DMD: variants seen among roughly 807,000 people sequenced by gnomAD.
The protein encoded by DMD is dystrophin, also known as mutant dystrophin.
A neutral mutation model predicts 330.1 loss-of-function variants in DMD; 63 were observed. That is an observed-to-expected ratio of 0.19 (90% CI 0.16 to 0.24). DMD has a LOEUF of 0.24. Ranked by LOEUF, DMD falls within the 10% of genes least tolerant of loss-of-function variation. The pLI, the probability that DMD is intolerant of heterozygous loss-of-function variation, is 1.00. For synonymous variants in DMD, 1,223 were observed against 959.8 expected, an observed-to-expected ratio of 1.27 and a Z score of -5.07; for missense variants, 3,344 against 2,684.1, an observed-to-expected ratio of 1.25 and a Z score of -5.43.
At chrX:32,756,636 A>C (rs902406652) in intron 7 of DMD, among the ~76,000 whole-genome samples, 2 of 111,680 alleles carry the variant, frequency 1.8e-5, no homozygotes, top group Non-Finnish European at 3.8e-5. Context: ...AAAACCACAG[A>C]TCTACACATA....
chrX:32,068,329 T>C (rs949097100), intron 44 of DMD, among the ~76,000 whole-genome samples: 16 of 110,232 alleles, frequency 1.5e-4, no homozygotes, highest in Non-Finnish European at 1.9e-5. Flanking sequence ...TGATCATTTA[T>C]TTTGCCATGC....
intron 2 of DMD, among the ~76,000 whole-genome samples, chrX:32,851,155 C>G (rs971261600): frequency 9.0e-6 from 1 of 111,053 alleles, no homozygotes; most frequent in Non-Finnish European, 1.9e-5. Flanking sequence ...GGTTTCCAGG[C>G]AAAAGACATC....
At chrX:31,754,331 C>T (rs1159528914) in intron 51 of DMD, among the ~76,000 whole-genome samples, 2 of 110,998 alleles carry the variant, frequency 1.8e-5, no homozygotes, top group Non-Finnish European at 3.8e-5. Flanking sequence ...CTCAAGAGTC[C>T]GCTTGTAATT....
rs775943395 is a variant in DMD, at chrX:32,735,320, C to A, written c.650-36027G>T. ...GCTCATGGGTAGGAAGAATCAATATCGTGAAAATGGCCATACTGCCCAAGG... is the reference window on the plus strand; with the variant it reads ...GCTCATGGGTAGGAAGAATCAATATAGTGAAAATGGCCATACTGCCCAAGG... On this transcript the variant is annotated intron_variant, in intron 7 of 78. Coordinates refer to ENST00000357033, the MANE Select transcript of DMD (RefSeq NM_004006.3). 3.8e-4 allele frequency among the ~76,000 whole-genome samples: 42 copies of A among 110,214 alleles called. No individual in the cohort carries two copies. In the East Asian group the frequency reaches 5.4e-3, roughly 14 times the overall value.
At chrX:33,242,124 T>C (rs2052595748) in intron 1 of DMD, among the ~76,000 whole-genome samples, 1 of 111,819 alleles carries the variant, frequency 8.9e-6, no homozygotes, top group South Asian at 3.7e-4. Flanking sequence ...TTTTTTATTT[T>C]CCCTAAGTTA....
intron 7 of DMD, among the ~76,000 whole-genome samples, chrX:32,722,899 T>A (rs1476793969): frequency 9.2e-6 from 1 of 108,266 alleles, no homozygotes; most frequent in Non-Finnish European, 1.9e-5. Flanking sequence ...ACTTCTTCCT[T>A]TCAGATGTGA....
At chrX:33,100,781 G>C (rs1192633836) in intron 1 of DMD, among the ~76,000 whole-genome samples, 1 of 112,338 alleles carries the variant, frequency 8.9e-6, no homozygotes, top group African/African-American at 3.2e-5. Context: ...TGTGTATCAA[G>C]TACAATATTT....
intron 57 of DMD, among the ~76,000 whole-genome samples, chrX:31,485,026 A>G (rs1365656314): frequency 6.2e-5 from 7 of 112,094 alleles, no homozygotes; most frequent in African/African-American, 2.3e-4. Flanking sequence ...GCAATTCTAA[A>G]GTGAAGCTGA....
chrX:31,672,080 A>ATAAG (rs1466104008), intron 53 of DMD, among the ~76,000 whole-genome samples: 1 of 111,658 alleles, frequency 9.0e-6, no homozygotes, highest in African/African-American at 3.2e-5. Flanking sequence ...GCCTCCTCCC[A>ATAAG]TAAGTTTTGG....
At chrX:32,521,174 G>C (rs1314238744) in intron 17 of DMD, among the ~76,000 whole-genome samples, 1 of 111,491 alleles carries the variant, frequency 9.0e-6, no homozygotes, top group Non-Finnish European at 1.9e-5. Flanking sequence ...CCAATTTCTA[G>C]TATTTGTTTA....
intron 11 of DMD, among the ~76,000 whole-genome samples, chrX:32,614,737 G>A (rs1050707833): frequency 5.4e-5 from 6 of 111,301 alleles, no homozygotes; most frequent in African/African-American, 2.0e-4. Flanking sequence ...TGACTAAGTA[G>A]TATATTTTGG....
rs145783690 is a variant in DMD, at chrX:33,198,757, G to A, written c.31+12525C>T. ...CGACTGGCAAGTATTAATTAGTCAC[G>A]TACATACATATGGAATCATAACAGT... On this transcript the variant is annotated intron_variant, in intron 1 of 78. Coordinates refer to ENST00000357033, the MANE Select transcript of DMD (RefSeq NM_004006.3). 8.0e-3 allele frequency among the ~76,000 whole-genome samples: 880 copies of A among 110,635 alleles called. 14 individuals are homozygous for A. The highest frequency in any genetic ancestry group is 0.026 in the African/African-American group (801 of 30,548).
chrX:32,559,034 T>C (rs2149052667), intron 16 of DMD, among the ~76,000 whole-genome samples: 1 of 90,572 alleles, frequency 1.1e-5, no homozygotes, highest in East Asian at 4.2e-4. Context: ...CACTGCAACC[T>C]CCACCTCCCG....
chrX:31,128,957 GAT>G (rs1178935173), intron 77 of DMD, among the ~76,000 whole-genome samples: 5 of 112,082 alleles, frequency 4.5e-5, no homozygotes, highest in Admixed American at 9.5e-5. Flanking sequence ...TAAAGTTTCA[GAT>G]ATGTTTCATT....
chrX:32,821,530 G>T (rs1268021328), intron 5 of DMD, among the ~76,000 whole-genome samples: 1 of 109,824 alleles, frequency 9.1e-6, no homozygotes, highest in African/African-American at 3.3e-5. Flanking sequence ...GGAGCTTGCA[G>T]TGAGCCGAGA....
intron 64 of DMD, among the ~76,000 whole-genome samples, chrX:31,213,380 C>T (rs186224449): frequency 8.9e-5 from 10 of 112,413 alleles, no homozygotes; most frequent in South Asian, 3.7e-4. Context: ...GTCAGACCAA[C>T]GGAAGCCACT....
At chrX:32,488,823 G>A (rs1412780858) in intron 20 of DMD, among the ~76,000 whole-genome samples, 2 of 111,337 alleles carry the variant, frequency 1.8e-5, no homozygotes, top group Admixed American at 1.9e-4. Flanking sequence ...ATACCTGACT[G>A]ATTCCTGTTT....
chrX:32,070,582 T>C (rs775537677), intron 44 of DMD, among the ~76,000 whole-genome samples: 5 of 111,302 alleles, frequency 4.5e-5, no homozygotes, highest in Non-Finnish European at 7.5e-5. Flanking sequence ...GAAACTGCGG[T>C]ATATATACAT....
intron 18 of DMD, among the ~76,000 whole-genome samples, chrX:32,509,390 C>T (rs2045037178): frequency 2.7e-5 from 3 of 110,544 alleles, no homozygotes; most frequent in African/African-American, 9.9e-5. Context: ...CAGAAAAGCA[C>T]AAAAACCAAA....
Sources: allele counts gnomAD v4.1 joint callset (sites outside exome capture counted in the v4.1 genomes callset), GRCh38; gene constraint gnomAD v4.1.1; transcripts MANE v1.5; gene names NCBI Gene and HGNC (gene_info 2026-07-23, HGNC 2026-07-21).